Variants in DNAL1 observed in about 807,000 individuals in gnomAD.
DNAL1 encodes chromosome 14 open reading frame 168.
DNAL1 carries 17 observed loss-of-function variants against 29.4 expected under a neutral mutation model. The ratio of observed to expected loss-of-function variants is 0.58; its 90% CI spans 0.40 to 0.87. DNAL1 has a LOEUF of 0.87. Ranked by LOEUF, DNAL1 falls within the 40% of genes least tolerant of loss-of-function variation. The probability of loss-of-function intolerance (pLI) is 0.00; values close to 1 mark genes in which losing one functional copy is unlikely to be tolerated. For missense variants in DNAL1, 188 were observed against 214.1 expected (o/e 0.88, Z 0.76); for synonymous variants, 78 against 76.3 (o/e 1.02, Z -0.12).
In DNAL1 at chr14:73,702,029, A is replaced by C. The variant is rs1361876480; in HGVS notation, c.*6087A>C. On this transcript the variant is annotated 3_prime_UTR_variant, in exon 8 of 8. Coordinates refer to ENST00000553645, the MANE Select transcript of DNAL1 (RefSeq NM_031427.4). ...ATTATATAAACTTCTAGTGATATTC[A>C]GTCCAAAGAAATTCAGCCTTTGGAT... 6.6e-6 allele frequency: 1 copy of C among 151,892 alleles called. No individual in the cohort carries two copies. The highest frequency in any genetic ancestry group is 2.4e-5 in the African/African-American group (1 of 41,350). 9.4% of individuals were successfully genotyped at this position (151,892 alleles called of 1,614,324 possible). A position where few individuals can be genotyped will look rare whatever the true frequency, so the allele number is the denominator to read the frequency against.
chr14:73,676,492 A>AT (rs140688629), intron 5 of DNAL1, among the ~76,000 whole-genome samples: 17 of 152,006 alleles, frequency 1.1e-4, no homozygotes, highest in African/African-American at 1.7e-4. Flanking sequence ...TGTACAAGCC[A>AT]TTTTTTCCTG....
Position 73,701,582 on chromosome 14 carries a change from G to A in DNAL1, c.*5640G>A, listed in dbSNP as rs1484515865. The stretch of plus-strand genomic sequence containing the variant: ...GTTGTCTAACATTATATGGGTGGGA[G>A]GCTCTTTGCCTCTGTGATCAGTAGG... On this transcript the variant is annotated 3_prime_UTR_variant, in exon 8 of 8. Transcript: ENST00000553645. 6.6e-6 allele frequency: 1 copy of A among 152,214 alleles called. No homozygotes were observed. Among genetic ancestry groups the A allele is most frequent in the East Asian group, 1.9e-4 (1 of 5,196 alleles). The allele number at this position is 152,214 out of a possible 1,614,324, so 9.4% of individuals were successfully genotyped here.
In DNAL1 at chr14:73,682,881, T is replaced by A. The variant is rs989820431; in HGVS notation, c.265-4378T>A. Among the ~76,000 whole-genome samples, 562 of 149,294 alleles carry A rather than the reference T, an allele frequency of 3.8e-3. 1 individual carries two copies. The highest frequency in any genetic ancestry group is 0.011 in the African/African-American group (460 of 40,764). On this transcript the variant is annotated intron_variant, in intron 5 of 7. Coordinates refer to ENST00000553645, the MANE Select transcript of DNAL1 (RefSeq NM_031427.4). Reference sequence around the variant, plus strand: ...CTGTTTTATAGTTATTTTTTTTTTTTTTTTTTTTTTTTTAGTTGGAGTTTC... The same window carrying A: ...CTGTTTTATAGTTATTTTTTTTTTTATTTTTTTTTTTTTAGTTGGAGTTTC...
chr14:73,660,302 T>C (rs749016929), intron 3 of DNAL1, among the ~76,000 whole-genome samples: 9 of 152,210 alleles, frequency 5.9e-5, no homozygotes, highest in Non-Finnish European at 1.0e-4. Flanking sequence ...ATTTATTTTC[T>C]CAATACATGT....
chr14:73,659,405 G>T (rs143912642), intron 3 of DNAL1, among the ~76,000 whole-genome samples: 6 of 151,530 alleles, frequency 4.0e-5, no homozygotes, highest in African/African-American at 1.5e-4. Context: ...ATTGTGATCC[G>T]CCCACCTCGG....
chr14:73,687,856 G>C (rs749418167), intron 6 of DNAL1, among the ~76,000 whole-genome samples: 9 of 152,218 alleles, frequency 5.9e-5, no homozygotes, highest in Non-Finnish European at 1.3e-4. Context: ...CAGGGCAGCA[G>C]AGCAAGACTC....
chr14:73,648,227 C>T (rs1413235610), intron 1 of DNAL1, among the ~76,000 whole-genome samples: 1 of 151,676 alleles, frequency 6.6e-6, no homozygotes, highest in African/African-American at 2.4e-5. Flanking sequence ...ATCTGCCCAC[C>T]CAGGCCTCCC....
In DNAL1 at chr14:73,695,990, AATAG is replaced by A. The variant is rs1293455461; in HGVS notation, c.*52_*55del. The A allele has an allele frequency of 2.7e-6, 4 of 1,492,120 alleles. No homozygotes were observed. In the African/African-American group the frequency reaches 5.6e-5, roughly 21 times the overall value. 92.4% of individuals were successfully genotyped at this position (1,492,120 alleles called of 1,614,324 possible). A position where few individuals can be genotyped will look rare whatever the true frequency, so the allele number is the denominator to read the frequency against. On this transcript the variant is annotated 3_prime_UTR_variant, in exon 8 of 8. Coordinates refer to ENST00000553645, the MANE Select transcript of DNAL1 (RefSeq NM_031427.4). ...TAACTTATTTAAATGTCATAAGAAC[AATAG>A]ATAAATTTTATATAATTGTCTATTT...
intron 1 of DNAL1, among the ~76,000 whole-genome samples, chr14:73,650,040 G>A (rs1891078047): frequency 6.6e-6 from 1 of 152,148 alleles, no homozygotes; most frequent in African/African-American, 2.4e-5. Flanking sequence ...CTGGAGTATA[G>A]TAGCATAATC....
intron 5 of DNAL1, among the ~76,000 whole-genome samples, chr14:73,681,629 A>AG (rs1379010099): frequency 2.6e-5 from 1 of 38,218 alleles, no homozygotes; most frequent in East Asian, 1.7e-3. Context: ...AAAAAAAAAA[A>AG]AAAAATATAT....
intron 5 of DNAL1, among the ~76,000 whole-genome samples, chr14:73,681,655 T>TATATATATATATATATATA (rs1555402648): frequency 4.7e-5 from 6 of 127,278 alleles, no homozygotes; most frequent in South Asian, 2.6e-4. Context: ...TATATATATA[T>TATATATATATATATATATA]TAGTTGGGTG....
chr14:73,702,113 ATGAGAGAG>A lies in DNAL1; in HGVS notation c.*6172_*6179del, dbSNP rs1892452089. 6.7e-6 allele frequency: 1 copy of A among 149,666 alleles called. No homozygotes were observed. The highest frequency in any genetic ancestry group is 6.7e-5 in the Admixed American group (1 of 14,892). 9.3% of individuals were successfully genotyped at this position (149,666 alleles called of 1,614,324 possible). Reference sequence around the variant, plus strand: ...TGTGTGTGTGTGTGTGTGCACGTGCATGAGAGAGAGTGAAAGAGAGAGGTGTTTTTTGT... The same window carrying A: ...TGTGTGTGTGTGTGTGTGCACGTGCAAGTGAAAGAGAGAGGTGTTTTTTGT... On this transcript the variant is annotated 3_prime_UTR_variant, in exon 8 of 8. Coordinates refer to ENST00000553645, the MANE Select transcript of DNAL1 (RefSeq NM_031427.4).
At chr14:73,693,621 A>C (rs1350095510) in intron 7 of DNAL1, among the ~76,000 whole-genome samples, 1 of 152,122 alleles carries the variant, frequency 6.6e-6, no homozygotes, top group African/African-American at 2.4e-5. Context: ...TGAGGCAGGA[A>C]GATTGCTTGA....
intron 1 of DNAL1, among the ~76,000 whole-genome samples, chr14:73,650,217 G>A (rs536938237): frequency 6.6e-6 from 1 of 152,126 alleles, no homozygotes; most frequent in African/African-American, 2.4e-5. Context: ...TTCAACTCTT[G>A]GCCTCAAGTG....
chr14:73,703,306 A>G lies in DNAL1; in HGVS notation c.*7364A>G, dbSNP rs1892481212. 1 of 152,206 alleles carries G rather than the reference A, an allele frequency of 6.6e-6. No individual in the cohort carries two copies. The highest frequency in any genetic ancestry group is 1.5e-5 in the Non-Finnish European group (1 of 68,042). The allele number at this position is 152,206 out of a possible 1,614,324, so 9.4% of individuals were successfully genotyped here. On this transcript the variant is annotated 3_prime_UTR_variant, in exon 8 of 8. Coordinates refer to ENST00000553645, the MANE Select transcript of DNAL1 (RefSeq NM_031427.4). ...GCATGTAGATACATACAATTGTTAT[A>G]TATAATTAAAAGTCAGAATCTTAGG...
rs1650928186 is a variant in DNAL1, at chr14:73,689,486, A to G, written c.503A>G (p.Lys168Arg). ...AATAACTGGATTGAAGAAGCAACCAAGAGAGTGCCCAAACTGAAAAAGCTG... is the reference window on the plus strand; with the variant it reads ...AATAACTGGATTGAAGAAGCAACCAGGAGAGTGCCCAAACTGAAAAAGCTG... ...AENNWIEEAT[K>R]RVPKLKKLDG... The change falls in exon 7 of 8, where the codon AAG becomes AGG. Residue 168 changes from lysine (K) to arginine (R), a missense_variant. Transcript: ENST00000553645. 4 of 1,586,542 alleles carry G rather than the reference A, an allele frequency of 2.5e-6. No homozygotes were observed.
chr14:73,680,858 A>G (rs141507498), intron 5 of DNAL1, among the ~76,000 whole-genome samples: 407 of 152,346 alleles, frequency 2.7e-3, no homozygotes, highest in African/African-American at 9.0e-3. Context: ...CCTGCTCAGC[A>G]TATCACTGTA....
chr14:73,665,554 G>T (rs1392821904), intron 4 of DNAL1, among the ~76,000 whole-genome samples: 1 of 152,156 alleles, frequency 6.6e-6, no homozygotes, highest in Admixed American at 6.5e-5. Context: ...ACTTTGGGAG[G>T]CCGAGGCGGG....
intron 4 of DNAL1, among the ~76,000 whole-genome samples, chr14:73,664,127 C>G (rs1414167706): frequency 6.6e-6 from 1 of 152,226 alleles, no homozygotes; most frequent in Non-Finnish European, 1.5e-5. Context: ...ACCCTACATA[C>G]TTATCTGTGC....
Sources: gnomAD v4.1 joint callset for allele counts (sites outside exome capture counted in the v4.1 genomes callset) on GRCh38, gnomAD v4.1.1 for gene constraint, MANE v1.5 for transcripts, NCBI Gene and HGNC (gene_info 2026-07-23, HGNC 2026-07-21) for gene names.